ADAM19: variants seen among roughly 807,000 people sequenced by gnomAD.
ADAM19 encodes ADAM metallopeptidase domain 19, also known as disintegrin and metalloproteinase domain-containing protein 19.
ADAM19 carries 65 observed loss-of-function variants against 114.7 expected under a neutral mutation model. That is an observed-to-expected ratio of 0.57 (90% CI 0.46 to 0.70). The LOEUF is 0.70. ADAM19 is among the 30% of genes least tolerant of loss of function. ADAM19 has a pLI of 0.00. For missense variants in ADAM19, 1,063 were observed against 1,204.7 expected (o/e 0.88, Z 1.74); for synonymous variants, 466 against 460.5 (o/e 1.01, Z -0.15).
chr5:157,542,340 T>C (rs948600519), intron 3 of ADAM19, among the ~76,000 whole-genome samples: 4 of 152,192 alleles, frequency 2.6e-5, no homozygotes, highest in Admixed American at 6.5e-5. Context: ...CATTTTTAAT[T>C]CTTTTTTTTA....
intron 4 of ADAM19, 83 bp downstream of exon 4, chr5:157,537,830 C>T: frequency 2.3e-6 from 3 of 1,281,312 alleles, no homozygotes; most frequent in Non-Finnish European, 3.4e-6. Flanking sequence ...GAGAGACCAA[C>T]TCCATCAGGC....
In ADAM19 at chr5:157,491,681, C is replaced by T; in HGVS notation, c.2029G>A (p.Ala677Thr). ...NQNCHCLPGW[A>T]PPFCNTPGHG... ...CCCGGTGTGTTGCAGAAGGGCGGGG[C>T]CCAGCCCGGCAGGCAGTGGCAGTTC... Residue 677 changes from alanine (A) to threonine (T), a missense_variant, in exon 18 of 23, where the codon GCC (alanine) becomes ACC (threonine). This residue lies in a region of ADAM19 where 424 missense variants were observed against 445.5 expected (regional missense o/e 0.95). Transcript: ENST00000257527. 6.3e-7 allele frequency: 1 copy of T among 1,580,762 alleles called. No individual in the cohort carries two copies. The highest frequency in any genetic ancestry group is 1.2e-5 in the South Asian group (1 of 85,168).
At chr5:157,508,071 A>G (rs1755802388) in intron 9 of ADAM19, among the ~76,000 whole-genome samples, 1 of 152,236 alleles carries the variant, frequency 6.6e-6, no homozygotes, top group Non-Finnish European at 1.5e-5. Flanking sequence ...ACTTATCTTC[A>G]GAGAAACAAT....
Position 157,519,988 on chromosome 5 carries a change from G to C in ADAM19, c.451C>G (p.Pro151Ala). The change falls in exon 6 of 23, where the codon CCC (proline) becomes GCC (alanine). Residue 151 changes from proline to alanine, a missense_variant. Pro to Ala is a conservative substitution (Grantham distance 27, BLOSUM62 -1). Around this residue, in one of 3 missense-constraint regions of ADAM19, gnomAD observed 615 missense variants for 706.3 expected, o/e 0.87. Coordinates refer to ENST00000257527, the MANE Select transcript of ADAM19 (RefSeq NM_033274.5). ...VSSNLSYVIE[P>A]LPDSKGQHLI... ...TGTTGGCCCTTGCTGTCAGGGAGGG[G>C]CTCGATGACGTAGCTGAGGTTGCTG... is the stretch of plus-strand genomic sequence containing the variant. 2 of 1,614,122 alleles carry C rather than the reference G, an allele frequency of 1.2e-6. No individual in the cohort carries two copies. The highest frequency in any genetic ancestry group is 1.7e-6 in the Non-Finnish European group (2 of 1,180,006).
At chr5:157,525,511 G>A (rs1042743366) in intron 5 of ADAM19, among the ~76,000 whole-genome samples, 2 of 152,170 alleles carry the variant, frequency 1.3e-5, no homozygotes. Context: ...GAGAGCCGGG[G>A]CTAATCCCAG....
intron 7 of ADAM19, 35 bp downstream of exon 7, chr5:157,518,788 C>A: frequency 1.3e-6 from 2 of 1,526,192 alleles, no homozygotes; most frequent in Non-Finnish European, 1.8e-6. Context: ...ATCAAGAGAG[C>A]AGTTTTTCTG....
chr5:157,509,495 T>G (rs1755847869), intron 8 of ADAM19, 28 bp from the exon 9 acceptor site: 5 of 1,537,802 alleles, frequency 3.3e-6, no homozygotes, highest in Non-Finnish European at 4.4e-6. Flanking sequence ...AACCACAGTA[T>G]CTGTCAATAC....
At chr5:157,549,032 C>A (rs1366409003) in intron 3 of ADAM19, among the ~76,000 whole-genome samples, 1 of 152,186 alleles carries the variant, frequency 6.6e-6, no homozygotes, top group African/African-American at 2.4e-5. Context: ...TTGTGCTCAG[C>A]CCCTTCCAAT....
intron 5 of ADAM19, among the ~76,000 whole-genome samples, chr5:157,526,523 C>T (rs1756467017): frequency 6.6e-6 from 1 of 152,148 alleles, no homozygotes; most frequent in African/African-American, 2.4e-5. Context: ...CACCTTAACC[C>T]AGTATAGATA....
In ADAM19 at chr5:157,481,928, G is replaced by A. The variant is rs769960626; in HGVS notation, c.2566C>T (p.Arg856Trp). ...CIVSQDFSRP[R>W]PPQKALPANP... The stretch of plus-strand genomic sequence containing the variant: ...GCCGGGAGTGCCTTCTGGGGCGGCC[G>A]AGGCCTGGAGAAGTCCTGGAGAGAA... Residue 856 changes from arginine to tryptophan, a missense_variant, in exon 22 of 23, where the codon CGG becomes TGG. Arg to Trp is a moderately radical substitution (Grantham distance 101). Coordinates refer to ENST00000257527, the MANE Select transcript of ADAM19 (RefSeq NM_033274.5). The A allele has an allele frequency of 3.7e-6, 6 of 1,602,212 alleles. No homozygotes were observed. The highest frequency in any genetic ancestry group is 4.5e-5 in the East Asian group (2 of 44,622).
At position 157,499,635 on chromosome 5, in the gene ADAM19, A is replaced by T. The variant is rs751666308; in HGVS notation, c.1336T>A (p.Ser446Thr). The T allele has an allele frequency of 3.1e-6, 5 of 1,612,374 alleles. No individual in the cohort carries two copies. The African/African-American group carries it at 6.7e-5, about 22-fold the overall frequency. ...GCCCCCGGCCTCAGGGTACAATTAG[A>T]GGCATTGCAGCAGGGGTTGTTACAT... ...EECNNPCCNA[S>T]NCTLRPGAEC... Residue 446 changes from serine (S) to threonine (T), a missense_variant, in exon 13 of 23, where the codon TCT (serine) becomes ACT (threonine). Physicochemically the swap from Ser to Thr is moderately conservative, Grantham distance 58 (BLOSUM62 1). Transcript: ENST00000257527.
intron 5 of ADAM19, among the ~76,000 whole-genome samples, chr5:157,525,285 A>T (rs751445125): frequency 2.0e-5 from 3 of 152,180 alleles, no homozygotes; most frequent in Non-Finnish European, 4.4e-5. Context: ...GGTGGAAAGG[A>T]CTTGCCACTT....
chr5:157,490,912 G>T (rs1316069560), intron 18 of ADAM19, among the ~76,000 whole-genome samples: 2 of 138,326 alleles, frequency 1.4e-5, no homozygotes, highest in East Asian at 2.2e-4. Flanking sequence ...AAAAAACAAA[G>T]AAACGAAAAG....
intron 4 of ADAM19, among the ~76,000 whole-genome samples, chr5:157,532,294 T>C (rs1756647688): frequency 6.6e-6 from 1 of 152,208 alleles, no homozygotes; most frequent in South Asian, 2.1e-4. Context: ...TATGGTCTTG[T>C]GAGAGGCAGT....
At position 157,481,854 on chromosome 5, in the gene ADAM19, G is replaced by C; in HGVS notation, c.2640C>G (p.Ser880=). Residue 880 remains serine, a synonymous_variant, in exon 22 of 23, where the codon TCC becomes TCG. Transcript: ENST00000257527. ...RRSLPRPGGA[S]PLRPPGAGPQ... ...GGCCAGCACCAGGGGGCCGCAGTGG[G>C]GATGCACCTCCTGGCCTGGGGAGGC... 6.3e-7 allele frequency: 1 copy of C among 1,591,876 alleles called. No individual in the cohort carries two copies. The highest frequency in any genetic ancestry group is 8.6e-7 in the Non-Finnish European group (1 of 1,168,784).
intron 16 of ADAM19, among the ~76,000 whole-genome samples, chr5:157,492,729 G>A (rs1426723411): frequency 2.0e-5 from 3 of 152,094 alleles, no homozygotes; most frequent in African/African-American, 7.2e-5. Flanking sequence ...GATAATTAGC[G>A]ATGAGGATGA....
chr5:157,535,628 G>A (rs1162127109), intron 4 of ADAM19, among the ~76,000 whole-genome samples: 1 of 152,184 alleles, frequency 6.6e-6, no homozygotes, highest in Non-Finnish European at 1.5e-5. Flanking sequence ...CTGGGAGAGG[G>A]GGAGTTCTTT....
Position 157,479,027 on chromosome 5 carries a change from C to T in ADAM19, c.*1922G>A, listed in dbSNP as rs1754673349. The T allele has an allele frequency of 2.0e-6, 2 of 985,712 alleles. No individual in the cohort carries two copies. The highest frequency in any genetic ancestry group is 1.2e-6 in the Non-Finnish European group (1 of 829,940). 61.1% of individuals were successfully genotyped at this position (985,712 alleles called of 1,614,324 possible). A position where few individuals can be genotyped will look rare whatever the true frequency, so the allele number is the denominator to read the frequency against. Reference sequence around the variant, plus strand: ...AGGGGATGTTTTCACCTTTACTTTCCAGGAACCAAGCCTTGAGGCAGAGGG... The same window carrying T: ...AGGGGATGTTTTCACCTTTACTTTCTAGGAACCAAGCCTTGAGGCAGAGGG... On this transcript the variant is annotated 3_prime_UTR_variant, in exon 23 of 23. Coordinates refer to ENST00000257527, the MANE Select transcript of ADAM19 (RefSeq NM_033274.5).
chr5:157,503,109 C>T (rs1388774947), intron 11 of ADAM19, 129 bp from the exon 12 acceptor site: 6 of 711,456 alleles, frequency 8.4e-6, no homozygotes, highest in South Asian at 1.9e-5. Flanking sequence ...CATTGTCTCA[C>T]ACACATACAT....
Sources: allele counts gnomAD v4.1 joint callset (sites outside exome capture counted in the v4.1 genomes callset), GRCh38; gene constraint gnomAD v4.1.1; regional missense constraint gnomAD v4.1.1; transcripts MANE v1.5; gene names NCBI Gene and HGNC (gene_info 2026-07-23, HGNC 2026-07-21).